Variants in MYRIP observed in about 807,000 individuals in gnomAD.
MYRIP encodes myosin VIIA and Rab interacting protein, also known as rab effector MyRIP.
In MYRIP, 49 loss-of-function variants were observed where a neutral mutation model predicts 98.0. The observed-to-expected ratio is 0.50, with a 90% CI of 0.40 to 0.63. The LOEUF (loss-of-function observed/expected upper bound fraction) is 0.63. Ranked by LOEUF, MYRIP falls within the 30% of genes least tolerant of loss-of-function variation. MYRIP has a pLI of 0.00. For synonymous variants in MYRIP, 404 were observed against 409.5 expected (o/e 0.99, Z 0.16); for missense variants, 1,004 against 1,058.2 (o/e 0.95, Z 0.71).
intron 1 of MYRIP, among the ~76,000 whole-genome samples, chr3:39,895,939 G>A (rs908859414): frequency 7.2e-5 from 11 of 151,774 alleles, no homozygotes; most frequent in Admixed American, 6.6e-5. Flanking sequence ...GTGTGTGTGC[G>A]CGTGCACGTA....
intron 4 of MYRIP, among the ~76,000 whole-genome samples, chr3:40,159,385 C>A (rs958611085): frequency 3.2e-4 from 49 of 152,292 alleles, no homozygotes; most frequent in African/African-American, 1.1e-3. Context: ...GATGGGCTTC[C>A]CTTTGAGGGT....
At chr3:40,124,717 G>A (rs1949485647) in intron 3 of MYRIP, among the ~76,000 whole-genome samples, 1 of 152,190 alleles carries the variant, frequency 6.6e-6, no homozygotes, top group African/African-American at 2.4e-5. Flanking sequence ...GAAATGGATT[G>A]GATCCAGAGA....
chr3:39,930,284 CT>C, intron 2 of MYRIP, among the ~76,000 whole-genome samples: 1 of 151,884 alleles, frequency 6.6e-6, no homozygotes. Context: ...TTTATATTTT[CT>C]TGATGGTTAA....
At chr3:40,074,854 T>C (rs1348714500) in intron 3 of MYRIP, among the ~76,000 whole-genome samples, 3 of 152,138 alleles carry the variant, frequency 2.0e-5, no homozygotes, top group African/African-American at 7.2e-5. Flanking sequence ...CAAATAAGCA[T>C]ATGAAAAGAT....
At chr3:40,096,597 G>A (rs189293158) in intron 3 of MYRIP, among the ~76,000 whole-genome samples, 12 of 152,282 alleles carry the variant, frequency 7.9e-5, no homozygotes, top group East Asian at 5.8e-4. Flanking sequence ...AGGAATGGCC[G>A]TCTCAGGCCA....
intron 2 of MYRIP, among the ~76,000 whole-genome samples, chr3:39,931,103 G>A (rs181763931): frequency 2.0e-5 from 3 of 152,084 alleles, no homozygotes; most frequent in Non-Finnish European, 2.9e-5. Flanking sequence ...GGATTGTATC[G>A]AATCTGTAGA....
intron 2 of MYRIP, among the ~76,000 whole-genome samples, chr3:40,038,838 A>C (rs1044269008): frequency 1.3e-5 from 2 of 152,128 alleles, no homozygotes; most frequent in Non-Finnish European, 2.9e-5. Context: ...GATTCAGACA[A>C]GGTGACTCCT....
intron 2 of MYRIP, among the ~76,000 whole-genome samples, chr3:40,005,407 A>G (rs748293521): frequency 6.6e-6 from 1 of 152,260 alleles, no homozygotes; most frequent in Non-Finnish European, 1.5e-5. Flanking sequence ...ATATGCCATC[A>G]GGCATTATTT....
chr3:39,870,357 C>T (rs954147328), intron 1 of MYRIP, among the ~76,000 whole-genome samples: 1 of 44,458 alleles, frequency 2.2e-5, no homozygotes, highest in Non-Finnish European at 4.1e-5. Flanking sequence ...CAATTTGTTC[C>T]ATTCTTCCAA....
intron 1 of MYRIP, among the ~76,000 whole-genome samples, chr3:39,864,590 C>T (rs938376603): frequency 4.7e-4 from 72 of 152,192 alleles, no homozygotes; most frequent in African/African-American, 1.7e-3. Flanking sequence ...CTACAGCTAA[C>T]CAGGGAAGTG....
intron 2 of MYRIP, among the ~76,000 whole-genome samples, chr3:40,039,857 C>T (rs559338409): frequency 3.6e-4 from 54 of 151,986 alleles, no homozygotes; most frequent in African/African-American, 1.1e-3. Context: ...ACAATCAAGG[C>T]GCTGGAAGGG....
intron 3 of MYRIP, among the ~76,000 whole-genome samples, chr3:40,119,216 T>C (rs561171286): frequency 1.8e-4 from 27 of 152,210 alleles, no homozygotes; most frequent in African/African-American, 6.0e-4. Flanking sequence ...AGTGTTCCTA[T>C]TTCTCCACAT....
Position 40,212,096 on chromosome 3 carries a change from G to A in MYRIP, c.1905+2003G>A, listed in dbSNP as rs957791087. Among the ~76,000 whole-genome samples, 394 of 140,430 alleles carry A rather than the reference G, an allele frequency of 2.8e-3. 35 individuals are homozygous for A. Among genetic ancestry groups the A allele is most frequent in the Middle Eastern group, 7.1e-3 (2 of 282 alleles). The allele number at this position is 140,430 out of a possible 152,430, so 92.1% of individuals were successfully genotyped here. A position where few individuals can be genotyped will look rare whatever the true frequency, so the allele number is the denominator to read the frequency against. ...AGTCCATATAGCCATATATATATAT[G>A]TGTGTGTGTATATATATATACATAT... On this transcript the variant is annotated intron_variant, in intron 11 of 16. Coordinates refer to ENST00000302541, the MANE Select transcript of MYRIP (RefSeq NM_015460.4).
intron 1 of MYRIP, among the ~76,000 whole-genome samples, chr3:39,873,158 G>C (rs1252548976): frequency 1.3e-5 from 2 of 152,076 alleles, no homozygotes; most frequent in Non-Finnish European, 2.9e-5. Flanking sequence ...GTCTGTTCAT[G>C]TCTTTTGCCC....
intron 3 of MYRIP, among the ~76,000 whole-genome samples, chr3:40,073,056 G>T (rs1031909277): frequency 1.2e-4 from 18 of 152,146 alleles, no homozygotes; most frequent in Admixed American, 3.3e-4. Flanking sequence ...CATTTTGATA[G>T]AACGTACAAG....
At chr3:40,214,715 G>A (rs1326189189) in intron 11 of MYRIP, among the ~76,000 whole-genome samples, 1 of 152,106 alleles carries the variant, frequency 6.6e-6, no homozygotes, top group Non-Finnish European at 1.5e-5. Flanking sequence ...AAACCACATG[G>A]TCTTCAAAGC....
At chr3:39,955,207 C>A (rs1945125317) in intron 2 of MYRIP, among the ~76,000 whole-genome samples, 2 of 152,080 alleles carry the variant, frequency 1.3e-5, no homozygotes, top group Admixed American at 6.6e-5. Context: ...AAGAGCAACT[C>A]CATGACACCA....
intron 13 of MYRIP, among the ~76,000 whole-genome samples, chr3:40,245,267 A>G (rs1356961713): frequency 1.3e-5 from 2 of 152,186 alleles, no homozygotes; most frequent in African/African-American, 4.8e-5. Context: ...TTGACTCTGT[A>G]AAAAATTGAC....
intron 3 of MYRIP, among the ~76,000 whole-genome samples, chr3:40,051,970 G>A (rs930598142): frequency 4.6e-5 from 7 of 151,926 alleles, no homozygotes; most frequent in African/African-American, 1.2e-4. Context: ...ATAATGTGTC[G>A]TGATCAAATC....
Sources: gnomAD v4.1 joint callset for allele counts (sites outside exome capture counted in the v4.1 genomes callset) on GRCh38, gnomAD v4.1.1 for gene constraint, MANE v1.5 for transcripts, NCBI Gene and HGNC (gene_info 2026-07-23, HGNC 2026-07-21) for gene names.